Variants in RFC3 observed in about 807,000 individuals in gnomAD.
RFC3 encodes the protein A1 38 kDa subunit.
A neutral mutation model predicts 45.1 loss-of-function variants in RFC3; 41 were observed. The observed-to-expected ratio is 0.91, with a 90% CI of 0.71 to 1.18. RFC3 has a LOEUF of 1.18. Ranked by LOEUF, RFC3 falls within the 50% of genes most tolerant of loss-of-function variation. The pLI, the probability that RFC3 is intolerant of heterozygous loss-of-function variation, is 0.00. For missense variants in RFC3, 423 were observed against 428.1 expected (o/e 0.99, Z 0.10); for synonymous variants, 149 against 144.0 (o/e 1.03, Z -0.25).
At chr13:33,887,802 T>G (rs1452758918) in intron 8 of RFC3, among the ~76,000 whole-genome samples, 10 of 152,002 alleles carry the variant, frequency 6.6e-5, no homozygotes, top group South Asian at 6.2e-4. Flanking sequence ...AATTAATTTT[T>G]GTATAAGGTG....
intron 8 of RFC3, among the ~76,000 whole-genome samples, chr13:33,954,385 G>A (rs968992964): frequency 6.6e-6 from 1 of 152,154 alleles, no homozygotes; most frequent in Non-Finnish European, 1.5e-5. Flanking sequence ...ATGTCCATGA[G>A]CTTTATATTC....
At chr13:33,893,674 C>T (rs1329665) in intron 8 of RFC3, among the ~76,000 whole-genome samples, 17,410 of 151,728 alleles carry the variant, frequency 0.11, 2,043 homozygotes, top group African/African-American at 0.3. Context: ...TTTATGAAGA[C>T]TGAAATAATA....
chr13:33,960,026 A>G (rs752887678), intron 8 of RFC3, among the ~76,000 whole-genome samples: 5 of 152,032 alleles, frequency 3.3e-5, no homozygotes, highest in Non-Finnish European at 5.9e-5. Context: ...ACACTTTTCA[A>G]TGACCAGCTC....
intron 8 of RFC3, among the ~76,000 whole-genome samples, chr13:33,894,210 G>T (rs2082582275): frequency 6.6e-6 from 1 of 152,156 alleles, no homozygotes; most frequent in South Asian, 2.1e-4. Flanking sequence ...GCTGCCTCTG[G>T]GATATAGACC....
intron 2 of RFC3, among the ~76,000 whole-genome samples, chr13:33,823,648 G>A (rs1015284354): frequency 3.9e-5 from 6 of 152,096 alleles, no homozygotes; most frequent in Non-Finnish European, 8.8e-5. Flanking sequence ...CTGTGTTTCA[G>A]ATGGTATACA....
chr13:33,911,647 C>T (rs1282422127), intron 8 of RFC3, among the ~76,000 whole-genome samples: 2 of 152,058 alleles, frequency 1.3e-5, no homozygotes, highest in Non-Finnish European at 2.9e-5. Context: ...GGGAAGCAGA[C>T]ACATCTGAAG....
chr13:33,933,565 C>T, intron 8 of RFC3, among the ~76,000 whole-genome samples: 1 of 152,002 alleles, frequency 6.6e-6, no homozygotes, highest in East Asian at 1.9e-4. Context: ...TTCTCTGTCT[C>T]CGTGTAACAA....
At chr13:33,870,954 T>C (rs1593653667) in intron 8 of RFC3, among the ~76,000 whole-genome samples, 3 of 152,174 alleles carry the variant, frequency 2.0e-5, no homozygotes, top group South Asian at 4.1e-4. Flanking sequence ...AGGATATTGA[T>C]TTAAGTGTCT....
downstream of RFC3, among the ~76,000 whole-genome samples, chr13:33,838,013 A>G (rs2082170758): frequency 6.6e-6 from 1 of 151,848 alleles, no homozygotes; most frequent in African/African-American, 2.4e-5. Context: ...TTCCAAATAT[A>G]TTTTTACACC....
chr13:33,858,292 C>T (rs1400296377), intron 8 of RFC3, among the ~76,000 whole-genome samples: 1 of 152,112 alleles, frequency 6.6e-6, no homozygotes, highest in Non-Finnish European at 1.5e-5. Context: ...ATACTTAATT[C>T]TCAGCTATTC....
At chr13:33,850,491 C>T (rs1467421675) in intron 8 of RFC3, 1 of 151,808 alleles carries the variant, frequency 6.6e-6, no homozygotes, top group African/African-American at 2.4e-5. Flanking sequence ...ACTGAGAAAA[C>T]ATCAAAATTT....
intron 4 of RFC3, among the ~76,000 whole-genome samples, chr13:33,827,063 A>G (rs2082056191): frequency 6.6e-6 from 1 of 152,164 alleles, no homozygotes; most frequent in Admixed American, 6.5e-5. Context: ...TTTTTCATCC[A>G]TGAATATGCT....
At chr13:33,833,440 C>T (rs758131572) in intron 7 of RFC3, among the ~76,000 whole-genome samples, 6 of 151,696 alleles carry the variant, frequency 4.0e-5, no homozygotes, top group Non-Finnish European at 5.9e-5. Context: ...ATAATAGAGA[C>T]AGTTCTAGGA....
At chr13:33,892,322 ATG>A (rs2082568842) in intron 8 of RFC3, among the ~76,000 whole-genome samples, 1 of 152,146 alleles carries the variant, frequency 6.6e-6, no homozygotes, top group South Asian at 2.1e-4. Context: ...AGAATAAGGG[ATG>A]TGGGTCCCTC....
chr13:33,921,946 C>T (rs894288628), intron 8 of RFC3, among the ~76,000 whole-genome samples: 5 of 152,106 alleles, frequency 3.3e-5, no homozygotes, highest in African/African-American at 1.2e-4. Context: ...TCTGGTTTTG[C>T]CTCCTGATTC....
At chr13:33,909,150 G>C (rs180710802) in intron 8 of RFC3, among the ~76,000 whole-genome samples, 50 of 151,926 alleles carry the variant, frequency 3.3e-4, no homozygotes, top group African/African-American at 1.2e-3. Flanking sequence ...GAAACTACCT[G>C]TAATATACAT....
At chr13:33,823,777 G>A in intron 2 of RFC3, 140 bp from the exon 3 acceptor site, 1 of 513,196 alleles carries the variant, frequency 1.9e-6, no homozygotes, top group South Asian at 3.1e-5. Context: ...AGAAAAGAGT[G>A]GGATTAACAA....
In RFC3 at chr13:33,950,836, T is replaced by C. The variant is rs554736214; in HGVS notation, c.880-15251T>C. Among the ~76,000 whole-genome samples, 5 of 152,230 alleles carry C rather than the reference T, an allele frequency of 3.3e-5. No homozygotes were observed. The South Asian group carries it at 8.3e-4, about 25-fold the overall frequency. On this transcript the variant is annotated intron_variant, in intron 8 of 8. Coordinates refer to the RFC3 transcript ENST00000434425. Reference sequence around the variant, plus strand: ...TCTCCTTGTAGCCAAAATGTTTCTATAAGATGGTCCCATCTCATTCACCCA... The same window carrying C: ...TCTCCTTGTAGCCAAAATGTTTCTACAAGATGGTCCCATCTCATTCACCCA...
rs776557773 is a variant in RFC3 at position 33,835,130 on chromosome 13, T to G, written c.810-18T>G. The G allele has an allele frequency of 1.3e-6, 2 of 1,532,070 alleles. No individual in the cohort carries two copies. The highest frequency in any genetic ancestry group is 3.6e-5 in the Admixed American group (2 of 55,898). The allele number at this position is 1,532,070 out of a possible 1,614,324, so 94.9% of individuals were successfully genotyped here. Reference sequence around the variant, plus strand: ...TCTTATTTTCTTCACAAAATACCAATTATTTTGTTTTATGTAGGCTCCTTG... The same window carrying G: ...TCTTATTTTCTTCACAAAATACCAAGTATTTTGTTTTATGTAGGCTCCTTG... On this transcript the variant is annotated intron_variant, in intron 7 of 8. Transcript: ENST00000380071.
Sources: allele counts gnomAD v4.1 joint callset (sites outside exome capture counted in the v4.1 genomes callset), GRCh38; gene constraint gnomAD v4.1.1; transcripts MANE v1.5; gene names NCBI Gene and HGNC (gene_info 2026-07-23, HGNC 2026-07-21).